The following TRHDE variants were observed in gnomAD, a reference collection of about 807,000 sequenced individuals.
The protein encoded by TRHDE is thyrotropin releasing hormone degrading enzyme, also known as thyrotropin-releasing hormone-degrading ectoenzyme.
Under a neutral mutation model 125.7 loss-of-function variants are expected in TRHDE, and 72 were observed. The observed-to-expected ratio is 0.57, with a 90% CI of 0.47 to 0.70. The LOEUF is 0.70. TRHDE is among the 30% of genes least tolerant of loss of function. TRHDE has a pLI of 0.00. For synonymous variants in TRHDE, 509 were observed against 509.1 expected (o/e 1.00, Z 0.00); for missense variants, 1,110 against 1,327.1 (o/e 0.84, Z 2.54).
At chr12:72,309,109 G>A (rs78107641) in intron 2 of TRHDE, among the ~76,000 whole-genome samples, 6,707 of 152,080 alleles carry the variant, frequency 0.044, 219 homozygotes, top group Non-Finnish European at 0.069. Context: ...AGTTTCCATC[G>A]CCCCCAGAAG....
Position 72,273,502 on chromosome 12 carries a change from G to A in TRHDE, c.859G>A (p.Glu287Lys). The change falls in exon 1 of 19, where the codon GAG (glutamate) becomes AAG (lysine). Residue 287 changes from glutamate to lysine, a missense_variant. Glu to Lys is a moderately conservative substitution (Grantham distance 56). Coordinates refer to ENST00000261180, the MANE Select transcript of TRHDE (RefSeq NM_013381.3). This position sits in a 1 kb window ranked among gnomAD's most constrained non-coding sequence, Gnocchi z 5.3. ...NLKIIYNALI[E>K]NELLGFFRSS... Reference sequence around the variant, plus strand: ...GAAGATTATCTACAACGCGCTCATCGAGAATGAGCTCCTGGGCTTCTTCCG... The same window carrying A: ...GAAGATTATCTACAACGCGCTCATCAAGAATGAGCTCCTGGGCTTCTTCCG... 1 of 1,610,714 alleles carries A rather than the reference G, an allele frequency of 6.2e-7. No individual in the cohort carries two copies. The highest frequency in any genetic ancestry group is 8.5e-7 in the Non-Finnish European group (1 of 1,179,996).
In TRHDE at chr12:72,507,420, G is replaced by A. The variant is rs150686802; in HGVS notation, c.1722+7785G>A. Among the ~76,000 whole-genome samples, 57 of 152,274 alleles carry A rather than the reference G, an allele frequency of 3.7e-4. 1 individual carries two copies. The highest frequency in any genetic ancestry group is 1.3e-3 in the African/African-American group (54 of 41,554). On this transcript the variant is annotated intron_variant, in intron 6 of 18. Coordinates refer to ENST00000261180, the MANE Select transcript of TRHDE (RefSeq NM_013381.3). ...TGCTGATATTGATATGAACAGAGAT[G>A]GCCAGGCTGATGAGTTCTCAGATGG...
chr12:72,474,039 C>G (rs960135099), intron 5 of TRHDE, among the ~76,000 whole-genome samples: 29 of 151,938 alleles, frequency 1.9e-4, no homozygotes, highest in Non-Finnish European at 2.9e-5. Context: ...TATGCACACA[C>G]ACATACATAT....
At chr12:72,153,827 A>G (rs541812250) in intron 2 of TRHDE, among the ~76,000 whole-genome samples, 7 of 152,218 alleles carry the variant, frequency 4.6e-5, no homozygotes, top group East Asian at 3.9e-4. Context: ...TATGTGGTCA[A>G]TTTTGGAATA....
intron 2 of TRHDE, among the ~76,000 whole-genome samples, chr12:72,217,358 GGT>G (rs2139365804): frequency 6.6e-6 from 1 of 152,178 alleles, no homozygotes; most frequent in African/African-American, 2.4e-5. Flanking sequence ...TCCACATCTT[GGT>G]TAAGGACTGT....
intron 2 of TRHDE, among the ~76,000 whole-genome samples, chr12:72,187,169 T>C (rs1877234392): frequency 6.6e-6 from 1 of 152,112 alleles, no homozygotes; most frequent in South Asian, 2.1e-4. Context: ...CATGAAGTGT[T>C]TTCCTTCTTA....
intron 18 of TRHDE, among the ~76,000 whole-genome samples, chr12:72,658,686 T>C (rs1874801690): frequency 6.6e-6 from 1 of 152,202 alleles, no homozygotes; most frequent in African/African-American, 2.4e-5. Flanking sequence ...TTAATTGCCA[T>C]TTTAGATGTT....
At chr12:72,101,320 T>G (rs1875062573) in intron 1 of TRHDE, among the ~76,000 whole-genome samples, 3 of 152,210 alleles carry the variant, frequency 2.0e-5, no homozygotes, top group Admixed American at 1.3e-4. Flanking sequence ...ATTTCAATAA[T>G]AACTTAGTTC....
At chr12:72,410,578 A>C (rs1873452909) in intron 3 of TRHDE, among the ~76,000 whole-genome samples, 1 of 152,204 alleles carries the variant, frequency 6.6e-6, no homozygotes, top group Non-Finnish European at 1.5e-5. Context: ...TAAAAAATCA[A>C]TCAGTATAAA....
intron 2 of TRHDE, among the ~76,000 whole-genome samples, chr12:72,287,167 A>C (rs893116776): frequency 6.6e-6 from 1 of 151,914 alleles, no homozygotes; most frequent in Non-Finnish European, 1.5e-5. Flanking sequence ...TTATTCCCTT[A>C]ACCACCTCCA....
At chr12:72,489,286 C>CA (rs1385054018) in intron 5 of TRHDE, among the ~76,000 whole-genome samples, 8 of 145,628 alleles carry the variant, frequency 5.5e-5, no homozygotes, top group African/African-American at 2.0e-4. Flanking sequence ...AAGACTCAAA[C>CA]AAAAAACAAA....
At chr12:72,391,696 T>C (rs946654421) in intron 3 of TRHDE, among the ~76,000 whole-genome samples, 2 of 152,196 alleles carry the variant, frequency 1.3e-5, no homozygotes, top group Non-Finnish European at 2.9e-5. Context: ...ATTTAGCTTC[T>C]TAAATACATT....
intron 4 of TRHDE, 23 bp from the exon 5 acceptor site, chr12:72,473,044 G>T: frequency 1.3e-6 from 2 of 1,537,630 alleles, no homozygotes; most frequent in South Asian, 2.2e-5. Context: ...TTTATTTGAT[G>T]ACCATTAATT....
intron 5 of TRHDE, among the ~76,000 whole-genome samples, chr12:72,490,966 G>A (rs1368183846): frequency 7.2e-6 from 1 of 138,344 alleles, no homozygotes; most frequent in African/African-American, 2.8e-5. Flanking sequence ...TAAATGAGTC[G>A]ATTTTAGCTG....
chr12:72,265,939 G>T (rs543141777), intron 2 of TRHDE, among the ~76,000 whole-genome samples: 24 of 151,962 alleles, frequency 1.6e-4, no homozygotes, highest in South Asian at 8.3e-4. Context: ...TTATCTAAAA[G>T]AAAAATTTCA....
intron 12 of TRHDE, among the ~76,000 whole-genome samples, chr12:72,592,183 A>G (rs1484608281): frequency 6.6e-6 from 1 of 152,062 alleles, no homozygotes; most frequent in East Asian, 1.9e-4. Flanking sequence ...AATAATTTGT[A>G]TAGATCTCTT....
intron 2 of TRHDE, among the ~76,000 whole-genome samples, chr12:72,299,468 G>C (rs2135684245): frequency 6.6e-6 from 1 of 152,170 alleles, no homozygotes; most frequent in South Asian, 2.1e-4. Context: ...CATATGTGCT[G>C]TTCACATGGT....
At chr12:72,348,759 C>G (rs1870448159) in intron 2 of TRHDE, among the ~76,000 whole-genome samples, 1 of 151,996 alleles carries the variant, frequency 6.6e-6, no homozygotes, top group South Asian at 2.1e-4. Context: ...CCTACATACC[C>G]AGAAATATGT....
At chr12:72,097,895 A>G (rs1175006566) in intron 1 of TRHDE, among the ~76,000 whole-genome samples, 1 of 152,194 alleles carries the variant, frequency 6.6e-6, no homozygotes, top group Non-Finnish European at 1.5e-5. Flanking sequence ...TTAAAAGAGT[A>G]TTGGGCTGTT....
Sources: allele counts gnomAD v4.1 joint callset (sites outside exome capture counted in the v4.1 genomes callset), GRCh38; gene constraint gnomAD v4.1.1; non-coding constraint Gnocchi (gnomAD v3.1); transcripts MANE v1.5; gene names NCBI Gene and HGNC (gene_info 2026-07-23, HGNC 2026-07-21).